Variants in EFHD1 observed in about 807,000 individuals in gnomAD.
EFHD1 encodes EF-hand domain-containing protein D1.
Under a neutral mutation model 17.2 loss-of-function variants are expected in EFHD1, and 10 were observed. That is an observed-to-expected ratio of 0.58 (90% CI 0.36 to 0.99). The LOEUF (loss-of-function observed/expected upper bound fraction) is 0.99. Ranked by LOEUF, EFHD1 falls within the 50% of genes least tolerant of loss-of-function variation. The pLI is 0.01. For missense variants in EFHD1, 310 were observed against 327.5 expected, an observed-to-expected ratio of 0.95 and a Z score of 0.41; for synonymous variants, 153 against 142.0, an observed-to-expected ratio of 1.08 and a Z score of -0.55.
Position 232,660,410 on chromosome 2 carries a change from G to A in EFHD1, c.303-2392G>A, listed in dbSNP as rs906967437. Among the ~76,000 whole-genome samples the A allele has an allele frequency of 2.6e-4, 39 of 151,782 alleles. 1 individual carries two copies. Among genetic ancestry groups the A allele is most frequent in the Admixed American group, 6.6e-5 (1 of 15,220 alleles). On this transcript the variant is annotated intron_variant, in intron 1 of 3. Coordinates refer to ENST00000264059, the MANE Select transcript of EFHD1 (RefSeq NM_025202.4). ...GGGATTTCACCGTGTTAGCCAGGAT[G>A]GTCTCGATCTTGTTCTCCTGACCTC...
intron 2 of EFHD1, among the ~76,000 whole-genome samples, chr2:232,663,184 G>A (rs1480764767): frequency 6.6e-6 from 1 of 152,124 alleles, no homozygotes; most frequent in East Asian, 1.9e-4. Flanking sequence ...AAGAAATTTG[G>A]CGATGTTCAC....
chr2:232,615,332 T>TGTGA (rs1553594543), intron 1 of EFHD1, among the ~76,000 whole-genome samples: 75 of 142,236 alleles, frequency 5.3e-4, no homozygotes, highest in Admixed American at 6.5e-4. Context: ...TGTGTGTGTG[T>TGTGA]GTGTGTGTGT....
chr2:232,635,556 C>T lies in EFHD1; in HGVS notation c.302+1550C>T, dbSNP rs569170085. On this transcript the variant is annotated intron_variant, in intron 1 of 3. Coordinates refer to ENST00000264059, the MANE Select transcript of EFHD1 (RefSeq NM_025202.4). ...AAGGGGAGCCGGGCACAGTGGCTTA[C>T]GGCTGTAATCCCAGCACTCTGGGAG... Among the ~76,000 whole-genome samples, 5 of 152,278 alleles carry T rather than the reference C, an allele frequency of 3.3e-5. No homozygotes were observed. In the East Asian group the frequency reaches 7.7e-4, roughly 24 times the overall value.
rs1693750872 is a variant in EFHD1, at chr2:232,607,937, T to TTA, written c.14+1764_14+1765insTA. 2.0e-5 allele frequency among the ~76,000 whole-genome samples: 3 copies of TTA among 151,088 alleles called. No individual in the cohort carries two copies. The Admixed American group carries it at 2.0e-4, about 10-fold the overall frequency. ...AGCAAGACCCTGTCTCTATTTTTTT[T>TTA]AATTAATTAATTAAAAGTCAAATAA... is the stretch of plus-strand genomic sequence containing the variant. On this transcript the variant is annotated intron_variant, in intron 1 of 3. Transcript: ENST00000409613.
At chr2:232,642,640 TTTTG>T (rs1694454164) in intron 1 of EFHD1, among the ~76,000 whole-genome samples, 1 of 152,152 alleles carries the variant, frequency 6.6e-6, no homozygotes, top group Non-Finnish European at 1.5e-5. Flanking sequence ...AAAACTTATT[TTTTG>T]TTATCAAATT....
intron 3 of EFHD1, among the ~76,000 whole-genome samples, chr2:232,673,567 ACT>A (rs1323080124): frequency 6.7e-6 from 1 of 150,064 alleles, no homozygotes; most frequent in Non-Finnish European, 1.5e-5. Context: ...TGCCTAGAAA[ACT>A]CTGCTTCATC....
chr2:232,675,818 TGGAGG>T (rs1559357587), intron 3 of EFHD1, among the ~76,000 whole-genome samples: 4 of 151,948 alleles, frequency 2.6e-5, no homozygotes, highest in Non-Finnish European at 4.4e-5. Flanking sequence ...ATCACTCCAT[TGGAGG>T]AGGGAGATAA....
chr2:232,665,641 T>G (rs2016747), intron 2 of EFHD1, among the ~76,000 whole-genome samples: 3 of 152,114 alleles, frequency 2.0e-5, no homozygotes, highest in Non-Finnish European at 2.9e-5. Context: ...AGGCTGGTCT[T>G]GAACTCCTGG....
At chr2:232,673,521 T>C (rs937758117) in intron 3 of EFHD1, among the ~76,000 whole-genome samples, 1 of 152,172 alleles carries the variant, frequency 6.6e-6, no homozygotes, top group Non-Finnish European at 1.5e-5. Context: ...CTGGATCTCC[T>C]GTCCCCTCTG....
intron 2 of EFHD1, among the ~76,000 whole-genome samples, chr2:232,667,525 T>TTTAATTAA (rs763407536): frequency 4.0e-5 from 6 of 150,936 alleles, no homozygotes; most frequent in East Asian, 1.9e-4. Flanking sequence ...CTTATTTTAT[T>TTTAATTAA]TTAATTAATT....
At chr2:232,654,416 C>CTTTTTTTTTTT (rs539954632) in intron 1 of EFHD1, among the ~76,000 whole-genome samples, 25 of 94,598 alleles carry the variant, frequency 2.6e-4, no homozygotes, top group Middle Eastern at 0.011. Flanking sequence ...TTCTTTCTTT[C>CTTTTTTTTTTT]TTTTTTTTTT....
At chr2:232,641,054 A>G (rs1266964178) in intron 1 of EFHD1, among the ~76,000 whole-genome samples, 1 of 151,898 alleles carries the variant, frequency 6.6e-6, no homozygotes, top group Non-Finnish European at 1.5e-5. Context: ...TATTATTACT[A>G]TTTTTTGAAA....
upstream of EFHD1, chr2:232,633,383 G>T: frequency 9.7e-7 from 1 of 1,030,598 alleles, no homozygotes. Flanking sequence ...GTCCCTGCCT[G>T]GTCCCGGGGG....
intron 1 of EFHD1, among the ~76,000 whole-genome samples, chr2:232,642,053 G>T (rs931269230): frequency 2.6e-5 from 4 of 152,118 alleles, no homozygotes; most frequent in African/African-American, 9.7e-5. Context: ...CCTAAGAGGT[G>T]GTCCATGGTG....
At chr2:232,660,256 A>G (rs1040503148) in intron 1 of EFHD1, among the ~76,000 whole-genome samples, 13 of 151,458 alleles carry the variant, frequency 8.6e-5, no homozygotes, top group Non-Finnish European at 1.9e-4. Context: ...GTGCAGTGGC[A>G]CGACCTCGGC....
chr2:232,615,315 G>GTGTT (rs1293154115), intron 1 of EFHD1, among the ~76,000 whole-genome samples: 1 of 118,112 alleles, frequency 8.5e-6, no homozygotes, highest in African/African-American at 3.0e-5. Flanking sequence ...CAACTATAGT[G>GTGTT]TGTGTGTGTG....
At chr2:232,670,395 C>T (rs1468903111) in intron 2 of EFHD1, among the ~76,000 whole-genome samples, 1 of 151,660 alleles carries the variant, frequency 6.6e-6, no homozygotes, top group Admixed American at 6.6e-5. Flanking sequence ...GAGCCGAGAT[C>T]GAGCCATTGC....
intron 1 of EFHD1, among the ~76,000 whole-genome samples, chr2:232,641,517 TG>T (rs1273307312): frequency 3.3e-5 from 5 of 152,172 alleles, no homozygotes; most frequent in Non-Finnish European, 7.4e-5. Flanking sequence ...TTCTAGGCCA[TG>T]GGTGGGCAAA....
At chr2:232,613,454 C>G (rs1693844195) in intron 1 of EFHD1, among the ~76,000 whole-genome samples, 1 of 152,030 alleles carries the variant, frequency 6.6e-6, no homozygotes. Flanking sequence ...CACAAAGACT[C>G]AAACACAGAG....
Sources: allele counts gnomAD v4.1 joint callset (sites outside exome capture counted in the v4.1 genomes callset), GRCh38; gene constraint gnomAD v4.1.1; transcripts MANE v1.5; gene names NCBI Gene and HGNC (gene_info 2026-07-23, HGNC 2026-07-21).